Variants in MCU observed in about 807,000 individuals in gnomAD.
MCU encodes the protein mitochondrial calcium uniporter.
A neutral mutation model predicts 45.2 loss-of-function variants in MCU; 12 were observed. The observed-to-expected ratio is 0.27, with a 90% CI of 0.17 to 0.43. MCU has a LOEUF of 0.43. Ranked by LOEUF, MCU falls within the 20% of genes least tolerant of loss-of-function variation. The pLI, the probability that MCU is intolerant of heterozygous loss-of-function variation, is 1.00. For missense variants in MCU, 324 were observed against 436.7 expected, an observed-to-expected ratio of 0.74 and a Z score of 2.30; for synonymous variants, 160 against 165.1, an observed-to-expected ratio of 0.97 and a Z score of 0.24.
At chr10:72,729,811 G>A (rs1843147054) in intron 1 of MCU, among the ~76,000 whole-genome samples, 1 of 152,096 alleles carries the variant, frequency 6.6e-6, no homozygotes, top group Non-Finnish European at 1.5e-5. Flanking sequence ...AAGATGTTTA[G>A]CAGCATCCCT....
At chr10:72,866,091 A>G (rs766974112) in intron 4 of MCU, among the ~76,000 whole-genome samples, 2 of 149,870 alleles carry the variant, frequency 1.3e-5, no homozygotes, top group Non-Finnish European at 3.0e-5. Context: ...CTGGTTTTTA[A>G]ACATAGTAAA....
chr10:72,749,724 A>G (rs951205952), intron 1 of MCU, among the ~76,000 whole-genome samples: 6 of 152,144 alleles, frequency 3.9e-5, no homozygotes, highest in South Asian at 2.1e-4. Context: ...GCAAATTGGG[A>G]CATATGGTCA....
intron 1 of MCU, among the ~76,000 whole-genome samples, chr10:72,817,730 G>C (rs1458968407): frequency 2.0e-5 from 3 of 152,184 alleles, no homozygotes; most frequent in Non-Finnish European, 4.4e-5. Flanking sequence ...GACTAGAGGA[G>C]TGTGCTGTCA....
intron 1 of MCU, among the ~76,000 whole-genome samples, chr10:72,795,194 CTA>C (rs1328022191): frequency 1.8e-4 from 27 of 152,184 alleles, no homozygotes; most frequent in Non-Finnish European, 3.1e-4. Flanking sequence ...CCATAGGTGA[CTA>C]TATTGCCAAG....
chr10:72,757,877 A>C (rs1443423897), intron 1 of MCU, among the ~76,000 whole-genome samples: 1 of 152,256 alleles, frequency 6.6e-6, no homozygotes, highest in Non-Finnish European at 1.5e-5. Context: ...TGTGCAGTGC[A>C]CATGATGCAG....
At chr10:72,735,781 T>A (rs868741220) in intron 1 of MCU, among the ~76,000 whole-genome samples, 2 of 152,176 alleles carry the variant, frequency 1.3e-5, no homozygotes, top group Admixed American at 6.5e-5. Context: ...TTTCACTAGT[T>A]GGGTACAGGA....
chr10:72,751,643 G>A (rs766890093), intron 1 of MCU, among the ~76,000 whole-genome samples: 68 of 149,576 alleles, frequency 4.5e-4, no homozygotes, highest in African/African-American at 1.6e-3. Flanking sequence ...GGTGTGAGCC[G>A]CTGCACTCCA....
At chr10:72,867,983 G>A (rs1477415665) in intron 4 of MCU, among the ~76,000 whole-genome samples, 1 of 151,814 alleles carries the variant, frequency 6.6e-6, no homozygotes, top group Non-Finnish European at 1.5e-5. Flanking sequence ...AATTAAAATG[G>A]CAGGACTACA....
At chr10:72,780,511 AGTGTGTGTGT>A (rs60306247) in intron 1 of MCU, among the ~76,000 whole-genome samples, 35 of 110,656 alleles carry the variant, frequency 3.2e-4, no homozygotes, top group African/African-American at 1.0e-3. Context: ...TCTTTGGCTA[AGTGTGTGTGT>A]GTGTGTGTGT....
At chr10:72,718,376 A>G (rs1589430460) in intron 1 of MCU, among the ~76,000 whole-genome samples, 1 of 152,212 alleles carries the variant, frequency 6.6e-6, no homozygotes, top group East Asian at 1.9e-4. Flanking sequence ...TACTTCTGTC[A>G]TTAAGTATCA....
chr10:72,806,920 A>G (rs1844462021), intron 1 of MCU, among the ~76,000 whole-genome samples: 2 of 152,232 alleles, frequency 1.3e-5, no homozygotes, highest in African/African-American at 2.4e-5. Flanking sequence ...TCAAGAAGAC[A>G]TTGGCCTGGG....
chr10:72,731,602 T>C (rs2132685346), intron 1 of MCU, among the ~76,000 whole-genome samples: 1 of 152,280 alleles, frequency 6.6e-6, no homozygotes, highest in East Asian at 1.9e-4. Flanking sequence ...CAACAATCCA[T>C]GTTTAGCAAT....
At chr10:72,883,774 G>T (rs1331181334) in intron 6 of MCU, among the ~76,000 whole-genome samples, 2 of 152,092 alleles carry the variant, frequency 1.3e-5, no homozygotes, top group Admixed American at 6.5e-5. Flanking sequence ...CACAAAAGGT[G>T]AATTTCACAA....
intron 1 of MCU, among the ~76,000 whole-genome samples, chr10:72,714,681 A>G (rs542128975): frequency 2.6e-5 from 4 of 152,120 alleles, no homozygotes; most frequent in African/African-American, 9.6e-5. Context: ...AGAAGCTGGG[A>G]TTACAGGCAT....
At chr10:72,821,395 G>T (rs1473221720) in intron 1 of MCU, among the ~76,000 whole-genome samples, 2 of 152,056 alleles carry the variant, frequency 1.3e-5, no homozygotes, top group Non-Finnish European at 2.9e-5. Flanking sequence ...GAAAGTTTTT[G>T]AATAATGTGT....
At chr10:72,867,854 C>CA (rs777086421) in intron 4 of MCU, among the ~76,000 whole-genome samples, 10,965 of 62,386 alleles carry the variant, frequency 0.18, 689 homozygotes, top group East Asian at 0.41. Context: ...GACTTTGTCT[C>CA]AAAAAAAAAA....
At chr10:72,755,401 G>A (rs1302723555) in intron 1 of MCU, among the ~76,000 whole-genome samples, 1 of 152,122 alleles carries the variant, frequency 6.6e-6, no homozygotes, top group East Asian at 1.9e-4. Context: ...ACCCGCCTTG[G>A]CCTCCCAAAG....
chr10:72,818,415 T>G (rs1844657638), intron 1 of MCU, among the ~76,000 whole-genome samples: 2 of 152,216 alleles, frequency 1.3e-5, no homozygotes, highest in Non-Finnish European at 2.9e-5. Context: ...TTTTGGAAAC[T>G]TGAACTCTTT....
At chr10:72,750,791 C>G (rs1189378017) in intron 1 of MCU, among the ~76,000 whole-genome samples, 2 of 152,182 alleles carry the variant, frequency 1.3e-5, no homozygotes, top group African/African-American at 2.4e-5. Flanking sequence ...AGTTCTTCCT[C>G]TCATCCCTAA....
Sources: gnomAD v4.1 joint callset for allele counts (sites outside exome capture counted in the v4.1 genomes callset) on GRCh38, gnomAD v4.1.1 for gene constraint, MANE v1.5 for transcripts, NCBI Gene and HGNC (gene_info 2026-07-23, HGNC 2026-07-21) for gene names.